The following NFS1 variants were observed in gnomAD, a reference collection of about 807,000 sequenced individuals.
NFS1 encodes the protein NFS1 cysteine desulfurase.
A neutral mutation model predicts 57.3 loss-of-function variants in NFS1; 26 were observed. The observed-to-expected ratio is 0.45, with a 90% CI of 0.33 to 0.63. NFS1 has a LOEUF of 0.63. Among genes scored for constraint, NFS1 ranks in the 20% least tolerant of loss-of-function variants. The probability of loss-of-function intolerance (pLI) is 0.02; values close to 1 mark genes in which losing one functional copy is unlikely to be tolerated. For missense variants in NFS1, 505 were observed against 605.8 expected, an observed-to-expected ratio of 0.83 and a Z score of 1.75; for synonymous variants, 209 against 216.3, an observed-to-expected ratio of 0.97 and a Z score of 0.30.
intron 7 of NFS1, among the ~76,000 whole-genome samples, chr20:35,676,777 AAAAAAAAAC>A (rs932547272): frequency 2.7e-5 from 4 of 149,182 alleles, no homozygotes; most frequent in African/African-American, 9.8e-5. Context: ...AAAAAAAAAA[AAAAAAAAAC>A]CAAGAAAGAA....
chr20:35,675,990 A>G (rs1324193867), intron 7 of NFS1: 1 of 152,180 alleles, frequency 6.6e-6, no homozygotes, highest in Non-Finnish European at 1.5e-5. Context: ...AGCTTGAAAA[A>G]ACAAAGATGT....
chr20:35,683,855 T>C (rs1158883132), intron 5 of NFS1, among the ~76,000 whole-genome samples: 1 of 149,806 alleles, frequency 6.7e-6, no homozygotes, highest in Non-Finnish European at 1.5e-5. Flanking sequence ...CACCTGGGTA[T>C]GGTGGCTCAC....
chr20:35,689,768 TAAAA>T (rs765257027), intron 5 of NFS1, among the ~76,000 whole-genome samples: 1 of 108,430 alleles, frequency 9.2e-6, no homozygotes. Flanking sequence ...GACTCTGTTT[TAAAA>T]AAAAAAAAAA....
rs994160392 is a variant in NFS1 at position 35,698,535 on chromosome 20, C to A, written c.153G>T (p.Glu51Asp). 6.2e-7 allele frequency: 1 copy of A among 1,613,774 alleles called. No homozygotes were observed. Among genetic ancestry groups the A allele is most frequent in the Non-Finnish European group, 8.5e-7 (1 of 1,179,914 alleles). The change falls in exon 2 of 13, where the codon GAG (glutamate) becomes GAT (aspartate). Residue 51 changes from glutamate to aspartate, a missense_variant. Coordinates refer to ENST00000374092, the MANE Select transcript of NFS1 (RefSeq NM_021100.5). ...AVPADTAAAP[E>D]VGPVLRPLYM... ...AGAGAGGTCGCAGCACTGGCCCCAC[C>A]TCCGGGGCAGCGGCTGTATCTGCGG... is the stretch of plus-strand genomic sequence containing the variant.
chr20:35,697,031 G>A lies in NFS1; in HGVS notation c.325-571C>T, dbSNP rs1305459041. On this transcript the variant is annotated intron_variant, in intron 3 of 12. Transcript: ENST00000374092. ...TGAGGTAGGAGAACTGCTTGAACCC[G>A]GGAGGCAGAGGTTGCAGTGAGCCGA... 2.0e-5 allele frequency among the ~76,000 whole-genome samples: 3 copies of A among 152,178 alleles called. No homozygotes were observed. In the East Asian group the frequency reaches 5.8e-4, roughly 29 times the overall value.
At chr20:35,678,078 G>A (rs1388866262) in intron 7 of NFS1, among the ~76,000 whole-genome samples, 1 of 151,916 alleles carries the variant, frequency 6.6e-6, no homozygotes, top group African/African-American at 2.4e-5. Flanking sequence ...GGCCGGGTGT[G>A]GTGGCTCACA....
At chr20:35,678,119 G>A (rs572254641) in intron 7 of NFS1, among the ~76,000 whole-genome samples, 2 of 152,090 alleles carry the variant, frequency 1.3e-5, no homozygotes, top group South Asian at 4.1e-4. Flanking sequence ...GGAGGCCGAG[G>A]CGGGCAGATC....
At chr20:35,672,906 C>T (rs781344781) in intron 11 of NFS1, 62 bp from the exon 12 acceptor site, 107 of 926,638 alleles carry the variant, frequency 1.2e-4, no homozygotes, top group Middle Eastern at 4.4e-4. Flanking sequence ...TAAATTCATT[C>T]CGCAAATACT....
chr20:35,674,296 T>C (rs1223593973), intron 10 of NFS1, 54 bp downstream of exon 10: 4 of 1,407,992 alleles, frequency 2.8e-6, no homozygotes, highest in Non-Finnish European at 4.0e-6. Context: ...TAATAGCCTG[T>C]ATGACTCTTC....
chr20:35,677,936 C>A (rs748844893), intron 7 of NFS1, among the ~76,000 whole-genome samples: 1 of 152,046 alleles, frequency 6.6e-6, no homozygotes, highest in African/African-American at 2.4e-5. Context: ...GGCATTGGGC[C>A]GGGCACGGGA....
intron 4 of NFS1, 29 bp downstream of exon 4, chr20:35,696,348 A>G: frequency 6.6e-7 from 1 of 1,505,852 alleles, no homozygotes; most frequent in Non-Finnish European, 9.2e-7. Context: ...AGGAAAGCCC[A>G]CATACACCCT....
In NFS1 at chr20:35,699,142, G is replaced by C; in HGVS notation, c.97+50C>G. 1 of 1,371,830 alleles carries C rather than the reference G, an allele frequency of 7.3e-7. No individual in the cohort carries two copies. Among genetic ancestry groups the C allele is most frequent in the Non-Finnish European group, 9.3e-7 (1 of 1,069,794 alleles). The allele number at this position is 1,371,830 out of a possible 1,614,324, so 85.0% of individuals were successfully genotyped here. On this transcript the variant is annotated intron_variant, in intron 1 of 12. Transcript: ENST00000374092. This position sits in a 1 kb window ranked among gnomAD's most constrained non-coding sequence, Gnocchi z 4.4. Reference sequence around the variant, plus strand: ...CTCCGGAATATTCAGTTGCGTCGCCGCGCGGAGGGGACAGGTCCGCGCCTC... The same window carrying C: ...CTCCGGAATATTCAGTTGCGTCGCCCCGCGGAGGGGACAGGTCCGCGCCTC...
At chr20:35,683,251 A>C (rs573073313) in intron 5 of NFS1, among the ~76,000 whole-genome samples, 2 of 152,142 alleles carry the variant, frequency 1.3e-5, no homozygotes, top group African/African-American at 4.8e-5. Context: ...TGGGAGGCGG[A>C]GGCGGGTGGA....
rs763441262 is a variant in NFS1 at position 35,698,511 on chromosome 20, G to C, written c.177C>G (p.Leu59=). ...APEVGPVLRP[L]YMDVQATTPL... ...GAGTTGTAGCTTGCACATCCATATA[G>C]AGAGGTCGCAGCACTGGCCCCACCT... The change falls in exon 2 of 13, where the codon CTC becomes CTG. Residue 59 remains leucine (L), a synonymous_variant. Coordinates refer to ENST00000374092, the MANE Select transcript of NFS1 (RefSeq NM_021100.5). 4 of 1,613,538 alleles carry C rather than the reference G, an allele frequency of 2.5e-6. No homozygotes were observed. The Admixed American group carries it at 6.7e-5, about 27-fold the overall frequency.
chr20:35,698,911 G>A (rs2035192943), intron 1 of NFS1: 1 of 1,314,712 alleles, frequency 7.6e-7, no homozygotes, highest in African/African-American at 1.5e-5. Flanking sequence ...GAAGGTAACG[G>A]TCTGCACGGG....
At chr20:35,694,598 A>T (rs1028721162) in intron 4 of NFS1, 3 of 152,270 alleles carry the variant, frequency 2.0e-5, no homozygotes, top group Admixed American at 1.3e-4. Flanking sequence ...ACTCTATTTT[A>T]TCCTAAAAAG....
chr20:35,677,145 G>A (rs150667368), intron 7 of NFS1, among the ~76,000 whole-genome samples: 38 of 152,284 alleles, frequency 2.5e-4, no homozygotes, highest in African/African-American at 6.5e-4. Flanking sequence ...AATTACAGGC[G>A]TGTGCCACTG....
At chr20:35,673,021 C>T (rs2034682773) in intron 11 of NFS1, among the ~76,000 whole-genome samples, 177 bp from the exon 12 acceptor site, 1 of 152,184 alleles carries the variant, frequency 6.6e-6, no homozygotes, top group African/African-American at 2.4e-5. Flanking sequence ...GGCATGGTGG[C>T]TCACGCCTGT....
chr20:35,674,086 G>T (rs1361177734), intron 10 of NFS1: 4 of 489,384 alleles, frequency 8.2e-6, no homozygotes, highest in Non-Finnish European at 1.5e-5. Context: ...TAACAGAACT[G>T]CTAGTGTAAC....
Sources: allele counts gnomAD v4.1 joint callset (sites outside exome capture counted in the v4.1 genomes callset), GRCh38; gene constraint gnomAD v4.1.1; non-coding constraint Gnocchi (gnomAD v3.1); transcripts MANE v1.5; gene names NCBI Gene and HGNC (gene_info 2026-07-23, HGNC 2026-07-21).